The following CNTN4 variants were observed in gnomAD, a reference collection of about 807,000 sequenced individuals.
CNTN4 encodes the protein contactin-4.
In CNTN4, 77 loss-of-function variants were observed where a neutral mutation model predicts 122.5. That is an observed-to-expected ratio of 0.63 (90% CI 0.52 to 0.76). The LOEUF is 0.76. Ranked by LOEUF, CNTN4 falls within the 30% of genes least tolerant of loss-of-function variation. The probability of loss-of-function intolerance (pLI) is 0.00; values close to 1 mark genes in which losing one functional copy is unlikely to be tolerated. For synonymous variants in CNTN4, 512 were observed against 447.0 expected (o/e 1.15, Z -1.83); for missense variants, 1,256 against 1,259.1 (o/e 1.00, Z 0.04).
intron 2 of CNTN4, among the ~76,000 whole-genome samples, chr3:2,107,399 G>A (rs1009767874): frequency 6.6e-6 from 1 of 152,132 alleles, no homozygotes; most frequent in Non-Finnish European, 1.5e-5. Flanking sequence ...AGGGGAGAGA[G>A]AAGCAAAGGT....
chr3:2,608,777 C>T (rs767466197), intron 4 of CNTN4, among the ~76,000 whole-genome samples: 3 of 152,240 alleles, frequency 2.0e-5, no homozygotes, highest in Non-Finnish European at 4.4e-5. Flanking sequence ...TGAGCAACTG[C>T]ACTTTGCCCC....
At chr3:2,893,648 A>G (rs1370087734) in intron 10 of CNTN4, among the ~76,000 whole-genome samples, 4 of 152,190 alleles carry the variant, frequency 2.6e-5, no homozygotes, top group Non-Finnish European at 1.5e-5. Flanking sequence ...CTCACCTAAT[A>G]AGAAACGTTA....
chr3:2,358,085 G>A (rs564318938), intron 3 of CNTN4, among the ~76,000 whole-genome samples: 2 of 152,244 alleles, frequency 1.3e-5, no homozygotes, highest in East Asian at 3.9e-4. Context: ...ACGAGGGGAA[G>A]TCAACTGCAG....
chr3:2,585,099 A>G (rs1337862094), intron 4 of CNTN4, among the ~76,000 whole-genome samples: 1 of 152,218 alleles, frequency 6.6e-6, no homozygotes, highest in Non-Finnish European at 1.5e-5. Flanking sequence ...TTATTATTTT[A>G]ACTGATGTTT....
chr3:2,407,705 A>C (rs1048774475), intron 3 of CNTN4, among the ~76,000 whole-genome samples: 6 of 152,270 alleles, frequency 3.9e-5, no homozygotes, highest in African/African-American at 1.4e-4. Context: ...TTGATTCCCA[A>C]ATGCGTCAAA....
intron 2 of CNTN4, among the ~76,000 whole-genome samples, chr3:2,204,832 A>C (rs2038266662): frequency 6.6e-6 from 1 of 152,122 alleles, no homozygotes; most frequent in Non-Finnish European, 1.5e-5. Context: ...ATAGTAACTT[A>C]TTGAGTGGAT....
At chr3:2,354,089 G>T (rs911066026) in intron 3 of CNTN4, among the ~76,000 whole-genome samples, 11 of 152,152 alleles carry the variant, frequency 7.2e-5, no homozygotes, top group African/African-American at 2.4e-4. Context: ...TCATCTTGTT[G>T]ATTAAAAACA....
At chr3:2,453,793 T>C (rs888109865) in intron 3 of CNTN4, among the ~76,000 whole-genome samples, 3 of 152,154 alleles carry the variant, frequency 2.0e-5, no homozygotes, top group Non-Finnish European at 4.4e-5. Flanking sequence ...GTCAGTGTTA[T>C]AAACATAGCC....
intron 14 of CNTN4, among the ~76,000 whole-genome samples, chr3:2,997,860 A>G (rs887046993): frequency 6.6e-6 from 1 of 152,206 alleles, no homozygotes; most frequent in Admixed American, 6.5e-5. Flanking sequence ...ATCAGTGTGC[A>G]AAAGTGCAAG....
At chr3:2,131,251 C>T (rs548766531) in intron 2 of CNTN4, among the ~76,000 whole-genome samples, 1 of 152,200 alleles carries the variant, frequency 6.6e-6, no homozygotes, top group African/African-American at 2.4e-5. Flanking sequence ...TCAACTAAGT[C>T]GAATTAGACA....
chr3:2,485,817 T>C (rs1452193284), intron 3 of CNTN4, among the ~76,000 whole-genome samples: 1 of 152,012 alleles, frequency 6.6e-6, no homozygotes, highest in African/African-American at 2.4e-5. Context: ...AGCTCAGGGA[T>C]TATAAACGCA....
Position 2,420,506 on chromosome 3 carries a change from G to C in CNTN4, c.-89+81273G>C, listed in dbSNP as rs538973352. On this transcript the variant is annotated intron_variant, in intron 3 of 24. Transcript: ENST00000418658. ...GCTGGAGTCCAGTGGCACAATCTCG[G>C]GTCACTGCAACCTCTGCCTCCCAGG... Among the ~76,000 whole-genome samples the C allele has an allele frequency of 3.9e-5, 6 of 152,024 alleles. No homozygotes were observed. In the South Asian group the frequency reaches 1.2e-3, roughly 32 times the overall value.
chr3:3,029,524 A>G (rs575254417), intron 15 of CNTN4, among the ~76,000 whole-genome samples: 3 of 152,278 alleles, frequency 2.0e-5, no homozygotes, highest in Admixed American at 6.5e-5. Flanking sequence ...TTCTAATCGT[A>G]TTTCTAATTG....
intron 7 of CNTN4, among the ~76,000 whole-genome samples, chr3:2,847,093 G>T (rs1438554523): frequency 6.6e-6 from 1 of 151,608 alleles, no homozygotes; most frequent in African/African-American, 2.4e-5. Context: ...CAGTTCCCTG[G>T]GCTGAATTTT....
intron 2 of CNTN4, among the ~76,000 whole-genome samples, chr3:2,246,761 G>A (rs983816315): frequency 6.6e-6 from 1 of 151,934 alleles, no homozygotes; most frequent in African/African-American, 2.4e-5. Context: ...TAGAAGATGA[G>A]TTCCTAAAAG....
chr3:2,724,798 CAGAT>C (rs1003482557), intron 4 of CNTN4, among the ~76,000 whole-genome samples: 3 of 152,186 alleles, frequency 2.0e-5, no homozygotes, highest in African/African-American at 7.2e-5. Context: ...GGGCTTAAAA[CAGAT>C]AGTCTCCAGG....
intron 4 of CNTN4, among the ~76,000 whole-genome samples, chr3:2,685,681 A>C (rs893895223): frequency 6.6e-6 from 1 of 152,008 alleles, no homozygotes; most frequent in Admixed American, 6.6e-5. Flanking sequence ...TCTTTTTCTT[A>C]GTGTGTTTTT....
chr3:2,510,543 T>G (rs1313248999), intron 3 of CNTN4, among the ~76,000 whole-genome samples: 1 of 152,140 alleles, frequency 6.6e-6, no homozygotes, highest in Non-Finnish European at 1.5e-5. Flanking sequence ...AATCACAGCC[T>G]TTTTATGAGT....
intron 2 of CNTN4, among the ~76,000 whole-genome samples, chr3:2,197,050 GAAAA>G (rs756328918): frequency 2.5e-4 from 22 of 87,128 alleles, no homozygotes; most frequent in African/African-American, 6.1e-4. Flanking sequence ...GGTCTCACCA[GAAAA>G]AAAAAAAAAA....
Sources: allele counts gnomAD v4.1 joint callset (sites outside exome capture counted in the v4.1 genomes callset), GRCh38; gene constraint gnomAD v4.1.1; transcripts MANE v1.5; gene names NCBI Gene and HGNC (gene_info 2026-07-23, HGNC 2026-07-21).